Variants in MYO3B observed in about 807,000 individuals in gnomAD.
MYO3B encodes myosin IIIB.
In MYO3B, 156 loss-of-function variants were observed where a neutral mutation model predicts 174.6. That is an observed-to-expected ratio of 0.89 (90% CI 0.78 to 1.02). MYO3B has a LOEUF of 1.02. Ranked by LOEUF, MYO3B falls within the 50% of genes least tolerant of loss-of-function variation. The pLI is 0.00. For synonymous variants in MYO3B, 563 were observed against 569.1 expected, an observed-to-expected ratio of 0.99 and a Z score of 0.15; for missense variants, 1,632 against 1,639.4, an observed-to-expected ratio of 1.00 and a Z score of 0.08.
At chr2:170,583,748 C>T (rs1693313121) in intron 32 of MYO3B, among the ~76,000 whole-genome samples, 1 of 152,142 alleles carries the variant, frequency 6.6e-6, no homozygotes, top group African/African-American at 2.4e-5. Flanking sequence ...AAAAGGTACT[C>T]TTCCTTGATG....
intron 7 of MYO3B, among the ~76,000 whole-genome samples, chr2:170,257,797 A>T (rs1406208509): frequency 5.3e-5 from 8 of 152,090 alleles, no homozygotes; most frequent in African/African-American, 1.9e-4. Context: ...TGGTTATTTG[A>T]AAAGATAAAC....
At position 170,278,397 on chromosome 2, in the gene MYO3B, G is replaced by A. The variant is rs114540916; in HGVS notation, c.749+42261G>A. ...TAGCACACATCTATTTTTGGCAACA[G>A]CCGCAAGTTTTTGAAGCTATTAAAT... On this transcript the variant is annotated intron_variant, in intron 7 of 34. Coordinates refer to ENST00000408978, the MANE Select transcript of MYO3B (RefSeq NM_138995.5). Among the ~76,000 whole-genome samples, 814 of 152,192 alleles carry A rather than the reference G, an allele frequency of 5.3e-3. 12 individuals carry two copies. Among genetic ancestry groups the A allele is most frequent in the African/African-American group, 0.019 (774 of 41,538 alleles).
At chr2:170,558,255 C>G (rs1003560484) in intron 32 of MYO3B, among the ~76,000 whole-genome samples, 1 of 151,454 alleles carries the variant, frequency 6.6e-6, no homozygotes, top group Admixed American at 6.6e-5. Context: ...GAGCTGAGAT[C>G]GTACCACTGT....
chr2:170,502,789 G>A lies in MYO3B; in HGVS notation c.3370+924G>A, dbSNP rs1270710372. On this transcript the variant is annotated intron_variant, in intron 28 of 34. Coordinates refer to ENST00000408978, the MANE Select transcript of MYO3B (RefSeq NM_138995.5). Reference sequence around the variant, plus strand: ...GATTTCACATACAGCTGAGCTTGAAGGAAACTCTTAAATAAAACAGCTGCA... The same window carrying A: ...GATTTCACATACAGCTGAGCTTGAAAGAAACTCTTAAATAAAACAGCTGCA... Among the ~76,000 whole-genome samples, 3 of 152,198 alleles carry A rather than the reference G, an allele frequency of 2.0e-5. 1 individual carries two copies. The highest frequency in any genetic ancestry group is 4.4e-5 in the Non-Finnish European group (3 of 68,030).
At chr2:170,407,607 GA>G in intron 21 of MYO3B, 107 bp from the exon 22 acceptor site, 1 of 486,092 alleles carries the variant, frequency 2.1e-6, no homozygotes, top group Non-Finnish European at 3.3e-6. Flanking sequence ...GCTATGTAAA[GA>G]TGAGTTCTAT....
chr2:170,291,032 C>G (rs1240844620), intron 7 of MYO3B, among the ~76,000 whole-genome samples: 1 of 151,914 alleles, frequency 6.6e-6, no homozygotes, highest in Non-Finnish European at 1.5e-5. Context: ...GGTGGATCAC[C>G]TGAGTCAGGA....
At chr2:170,258,364 C>T (rs772861808) in intron 7 of MYO3B, among the ~76,000 whole-genome samples, 2 of 152,108 alleles carry the variant, frequency 1.3e-5, no homozygotes, top group Non-Finnish European at 2.9e-5. Flanking sequence ...TAATTCATTA[C>T]AATCAGGTAG....
intron 30 of MYO3B, among the ~76,000 whole-genome samples, chr2:170,541,128 G>C (rs1269438480): frequency 6.6e-6 from 1 of 152,186 alleles, no homozygotes; most frequent in Non-Finnish European, 1.5e-5. Flanking sequence ...TCTGCCATTG[G>C]CTTTGGATTC....
chr2:170,619,443 T>TAAG (rs1695708693), intron 32 of MYO3B, among the ~76,000 whole-genome samples: 1 of 152,328 alleles, frequency 6.6e-6, no homozygotes, highest in African/African-American at 2.4e-5. Flanking sequence ...TCAGGGGGTC[T>TAAG]CCCTGCAGCT....
chr2:170,634,928 A>G (rs1235423979), intron 32 of MYO3B, among the ~76,000 whole-genome samples: 1 of 152,128 alleles, frequency 6.6e-6, no homozygotes, highest in East Asian at 1.9e-4. Context: ...ACCATCTCAC[A>G]CCAGTTAGAA....
chr2:170,239,862 C>G (rs2093111166), intron 7 of MYO3B, among the ~76,000 whole-genome samples: 2 of 152,212 alleles, frequency 1.3e-5, no homozygotes, highest in African/African-American at 4.8e-5. Flanking sequence ...GACATTTATT[C>G]TCTCACAGTT....
intron 32 of MYO3B, among the ~76,000 whole-genome samples, chr2:170,631,100 CCGAG>C (rs1467504600): frequency 6.6e-6 from 1 of 152,054 alleles, no homozygotes; most frequent in Non-Finnish European, 1.5e-5. Flanking sequence ...CCAAACTTCT[CCGAG>C]CTAAAGGAGG....
intron 32 of MYO3B, among the ~76,000 whole-genome samples, chr2:170,649,672 C>G (rs890694027): frequency 8.0e-5 from 12 of 150,302 alleles, no homozygotes; most frequent in South Asian, 6.3e-4. Context: ...ACAAAAAATA[C>G]AAAAATTTGC....
intron 13 of MYO3B, among the ~76,000 whole-genome samples, chr2:170,386,809 G>T (rs752992669): frequency 4.6e-5 from 7 of 152,162 alleles, no homozygotes; most frequent in Non-Finnish European, 8.8e-5. Flanking sequence ...GAAAAGTTAC[G>T]GGATCTATTT....
intron 32 of MYO3B, among the ~76,000 whole-genome samples, chr2:170,549,242 T>C (rs1193132032): frequency 6.6e-6 from 1 of 152,236 alleles, no homozygotes; most frequent in African/African-American, 2.4e-5. Flanking sequence ...GGTACCTCTG[T>C]TCTGGGTTTT....
intron 7 of MYO3B, among the ~76,000 whole-genome samples, chr2:170,254,563 A>G (rs2093287276): frequency 6.6e-6 from 1 of 152,118 alleles, no homozygotes; most frequent in Non-Finnish European, 1.5e-5. Flanking sequence ...TTGCTAGTGG[A>G]CTGGGAGCAG....
rs1282736826 is a variant in MYO3B at position 170,580,368 on chromosome 2, T to C, written c.3733+36380T>C. On this transcript the variant is annotated intron_variant, in intron 32 of 34. Transcript: ENST00000408978. ...AAGCAAGTGCTCAGGCCAGGCACAGTGGCTCATGCCTGTAATCCCAACGCT... is the reference window on the plus strand; with the variant it reads ...AAGCAAGTGCTCAGGCCAGGCACAGCGGCTCATGCCTGTAATCCCAACGCT... Among the ~76,000 whole-genome samples, 3 of 152,370 alleles carry C rather than the reference T, an allele frequency of 2.0e-5. No individual in the cohort carries two copies. In the East Asian group the frequency reaches 5.8e-4, roughly 29 times the overall value.
At chr2:170,440,462 G>A (rs2094791136) in intron 22 of MYO3B, among the ~76,000 whole-genome samples, 1 of 152,130 alleles carries the variant, frequency 6.6e-6, no homozygotes, top group South Asian at 2.1e-4. Flanking sequence ...TCCCAGCAAT[G>A]TTTTGTAGTT....
intron 8 of MYO3B, among the ~76,000 whole-genome samples, chr2:170,363,400 C>T (rs2105656203): frequency 6.6e-6 from 1 of 152,164 alleles, no homozygotes; most frequent in Admixed American, 6.5e-5. Flanking sequence ...ACAAATAGCT[C>T]CCCCTTGCAG....
Sources: allele counts gnomAD v4.1 joint callset (sites outside exome capture counted in the v4.1 genomes callset), GRCh38; gene constraint gnomAD v4.1.1; transcripts MANE v1.5; gene names NCBI Gene and HGNC (gene_info 2026-07-23, HGNC 2026-07-21).